CDH12: variants seen among roughly 807,000 people sequenced by gnomAD.
CDH12 encodes the protein cadherin 12, also known as cadherin-12.
A neutral mutation model predicts 74.1 loss-of-function variants in CDH12; 41 were observed. The ratio of observed to expected loss-of-function variants is 0.55; its 90% CI spans 0.43 to 0.72. The LOEUF (loss-of-function observed/expected upper bound fraction) is 0.72, where lower values mean the gene tolerates loss of function less well. CDH12 is among the 30% of genes least tolerant of loss of function. The pLI is 0.00. For synonymous variants in CDH12, 399 were observed against 355.0 expected, an observed-to-expected ratio of 1.12 and a Z score of -1.39; for missense variants, 945 against 977.2, an observed-to-expected ratio of 0.97 and a Z score of 0.44.
At chr5:22,798,258 G>T (rs1748331878) in intron 1 of CDH12, among the ~76,000 whole-genome samples, 1 of 151,962 alleles carries the variant, frequency 6.6e-6, no homozygotes, top group African/African-American at 2.4e-5. Context: ...TTCCTCTGAG[G>T]TTTATGACCT....
At chr5:22,259,651 A>G (rs1383091866) in intron 3 of CDH12, among the ~76,000 whole-genome samples, 1 of 152,108 alleles carries the variant, frequency 6.6e-6, no homozygotes, top group Non-Finnish European at 1.5e-5. Context: ...GCATAAATAT[A>G]CATAAAATAT....
At chr5:22,746,074 A>G (rs1449189038) in intron 1 of CDH12, among the ~76,000 whole-genome samples, 1 of 152,106 alleles carries the variant, frequency 6.6e-6, no homozygotes, top group Non-Finnish European at 1.5e-5. Context: ...TAATTGGTTC[A>G]TCTGTCAATT....
intron 2 of CDH12, among the ~76,000 whole-genome samples, chr5:22,496,396 A>G (rs1195532070): frequency 6.6e-6 from 1 of 152,274 alleles, no homozygotes; most frequent in South Asian, 2.1e-4. Context: ...CATAATGTAG[A>G]TGGATTTTGA....
chr5:22,010,823 C>T (rs951304661), intron 5 of CDH12, among the ~76,000 whole-genome samples: 17 of 152,088 alleles, frequency 1.1e-4, no homozygotes, highest in Admixed American at 7.9e-4. Flanking sequence ...CTCTGCCGGA[C>T]GTATGTGTTC....
In CDH12 at chr5:21,884,435, C is replaced by T. The variant is rs1385542939; in HGVS notation, c.527-29645G>A. The T allele has an allele frequency of 3.6e-6, 3 of 829,644 alleles. No homozygotes were observed. In the East Asian group the frequency reaches 7.3e-5, roughly 20 times the overall value. The allele number at this position is 829,644 out of a possible 1,614,324, so 51.4% of individuals were successfully genotyped here. A position where few individuals can be genotyped will look rare whatever the true frequency, so the allele number is the denominator to read the frequency against. Reference sequence around the variant, plus strand: ...TGAAAAAAAGGCTGGCTGAAAATCACTATAACCATCAGTTACTGGTTTCAG... The same window carrying T: ...TGAAAAAAAGGCTGGCTGAAAATCATTATAACCATCAGTTACTGGTTTCAG... On this transcript the variant is annotated intron_variant, in intron 6 of 14. Transcript: ENST00000382254.
At chr5:22,845,139 T>C (rs888336261) in intron 1 of CDH12, among the ~76,000 whole-genome samples, 2 of 152,168 alleles carry the variant, frequency 1.3e-5, no homozygotes, top group African/African-American at 4.8e-5. Context: ...TCATCCATAT[T>C]ATTTTGCCTT....
intron 1 of CDH12, among the ~76,000 whole-genome samples, chr5:22,810,797 C>T (rs1280635800): frequency 6.6e-6 from 1 of 152,044 alleles, no homozygotes; most frequent in Non-Finnish European, 1.5e-5. Flanking sequence ...AGCAGAGGAT[C>T]ACTTGAGCCC....
chr5:22,033,697 GA>G (rs1561041301), intron 5 of CDH12, among the ~76,000 whole-genome samples: 1 of 152,108 alleles, frequency 6.6e-6, no homozygotes, highest in African/African-American at 2.4e-5. Context: ...TATTGAGTGA[GA>G]AGAAGAAAAC....
intron 1 of CDH12, among the ~76,000 whole-genome samples, chr5:22,685,527 C>A (rs375873807): frequency 6.6e-6 from 1 of 152,188 alleles, no homozygotes; most frequent in Admixed American, 6.5e-5. Context: ...TGAGTCACTG[C>A]GCCCAGCGCC....
chr5:22,748,438 G>GAA (rs562608548), intron 1 of CDH12, among the ~76,000 whole-genome samples: 3 of 147,422 alleles, frequency 2.0e-5, no homozygotes, highest in Admixed American at 2.0e-4. Flanking sequence ...AGTGAATAAG[G>GAA]AAAAAAAAAA....
intron 2 of CDH12, among the ~76,000 whole-genome samples, chr5:22,486,123 G>A (rs1746583024): frequency 6.6e-6 from 1 of 152,136 alleles, no homozygotes; most frequent in African/African-American, 2.4e-5. Flanking sequence ...GGTTGCCCCA[G>A]CCAGAATCAC....
At chr5:22,412,071 G>A (rs907976122) in intron 2 of CDH12, among the ~76,000 whole-genome samples, 2 of 151,918 alleles carry the variant, frequency 1.3e-5, no homozygotes, top group Non-Finnish European at 2.9e-5. Flanking sequence ...TAGGTAGACA[G>A]ACAGAAATTT....
intron 6 of CDH12, among the ~76,000 whole-genome samples, chr5:21,913,015 G>A (rs1000969106): frequency 1.3e-5 from 2 of 152,022 alleles, no homozygotes; most frequent in African/African-American, 2.4e-5. Context: ...GCTAATTTTT[G>A]TATTTTTAGT....
chr5:22,603,050 C>T (rs1232840938), intron 1 of CDH12, among the ~76,000 whole-genome samples: 1 of 152,052 alleles, frequency 6.6e-6, no homozygotes, highest in Non-Finnish European at 1.5e-5. Flanking sequence ...AAGCACAGTT[C>T]CTATTGACTA....
At chr5:21,781,175 T>G (rs1047127552) in intron 11 of CDH12, among the ~76,000 whole-genome samples, 3 of 152,130 alleles carry the variant, frequency 2.0e-5, no homozygotes, top group African/African-American at 7.2e-5. Flanking sequence ...ATGAGTGAAT[T>G]TCCCATGGTC....
chr5:22,818,386 A>G (rs917508712), intron 1 of CDH12, among the ~76,000 whole-genome samples: 1 of 151,974 alleles, frequency 6.6e-6, no homozygotes, highest in South Asian at 2.1e-4. Flanking sequence ...TCCACCCACT[A>G]TCTCTGCCAT....
At chr5:22,091,195 G>GTA (rs1320597002) in intron 4 of CDH12, among the ~76,000 whole-genome samples, 3 of 132,212 alleles carry the variant, frequency 2.3e-5, no homozygotes, top group East Asian at 2.1e-4. Context: ...GTGTGTGTGT[G>GTA]TGTATATATA....
At chr5:22,311,384 G>A (rs1467123902) in intron 3 of CDH12, among the ~76,000 whole-genome samples, 1 of 152,018 alleles carries the variant, frequency 6.6e-6, no homozygotes, top group African/African-American at 2.4e-5. Context: ...TAATGAGTAA[G>A]GCAGCTATTC....
chr5:22,409,620 TTAAA>T (rs1429801940), intron 2 of CDH12, among the ~76,000 whole-genome samples: 1 of 152,148 alleles, frequency 6.6e-6, no homozygotes, highest in African/African-American at 2.4e-5. Flanking sequence ...TTTCTTCTGC[TTAAA>T]TAATGTTTTA....
Sources: gnomAD v4.1 joint callset for allele counts (sites outside exome capture counted in the v4.1 genomes callset) on GRCh38, gnomAD v4.1.1 for gene constraint, MANE v1.5 for transcripts, NCBI Gene and HGNC (gene_info 2026-07-23, HGNC 2026-07-21) for gene names.